The following BICD1 variants were observed in gnomAD, a reference collection of about 807,000 sequenced individuals.
BICD1 encodes the protein protein bicaudal D homolog 1.
In BICD1, 35 loss-of-function variants were observed where a neutral mutation model predicts 92.5. The ratio of observed to expected loss-of-function variants is 0.38; its 90% confidence interval spans 0.29 to 0.50. The LOEUF (loss-of-function observed/expected upper bound fraction) is 0.50. Among genes scored for constraint, BICD1 ranks in the 20% least tolerant of loss-of-function variants. The pLI, the probability that BICD1 is intolerant of heterozygous loss-of-function variation, is 0.93. For missense variants in BICD1, 950 were observed against 1,189.8 expected (o/e 0.80, Z 2.97); for synonymous variants, 429 against 465.1 (o/e 0.92, Z 1.00).
At chr12:32,329,920 G>C (rs111240944) in intron 5 of BICD1, among the ~76,000 whole-genome samples, 55 of 152,210 alleles carry the variant, frequency 3.6e-4, no homozygotes, top group African/African-American at 1.2e-3. Context: ...TTTGAGAAAG[G>C]TGCTGAATAA....
intron 2 of BICD1, among the ~76,000 whole-genome samples, chr12:32,235,837 AC>A (rs1376462347): frequency 6.6e-6 from 1 of 150,960 alleles, no homozygotes; most frequent in Non-Finnish European, 1.5e-5. Context: ...AGTAGCTGGG[AC>A]TATAGGTGCA....
At chr12:32,167,755 C>T (rs1013074655) in intron 1 of BICD1, among the ~76,000 whole-genome samples, 7 of 152,180 alleles carry the variant, frequency 4.6e-5, no homozygotes, top group Admixed American at 2.6e-4. Flanking sequence ...CGCGCCTGGC[C>T]TATCATTCTT....
At chr12:32,232,781 G>C (rs935212417) in intron 2 of BICD1, among the ~76,000 whole-genome samples, 10 of 152,056 alleles carry the variant, frequency 6.6e-5, no homozygotes, top group African/African-American at 2.4e-4. Flanking sequence ...TGTAAGGAAG[G>C]GATCCAGTTT....
intron 8 of BICD1, among the ~76,000 whole-genome samples, chr12:32,361,781 G>A (rs1939337757): frequency 6.6e-6 from 1 of 152,130 alleles, no homozygotes; most frequent in Admixed American, 6.6e-5. Context: ...GTCAAGCGAT[G>A]CTACAGGAGA....
chr12:32,196,828 TTTGA>T (rs1388760057), intron 1 of BICD1, among the ~76,000 whole-genome samples: 12 of 152,202 alleles, frequency 7.9e-5, no homozygotes, highest in Non-Finnish European at 2.9e-5. Flanking sequence ...TGTTAGTTAA[TTTGA>T]TTGTGGTAGT....
In BICD1 at chr12:32,224,068, CAA is replaced by C. The variant is rs570866985; in HGVS notation, c.426+7611_426+7612del. 3.0e-4 allele frequency among the ~76,000 whole-genome samples: 46 copies of C among 152,242 alleles called. No individual in the cohort carries two copies. In the East Asian group the frequency reaches 8.3e-3, roughly 27 times the overall value. On this transcript the variant is annotated intron_variant, in intron 2 of 9. Coordinates refer to ENST00000652176, the MANE Select transcript of BICD1 (RefSeq NM_001714.4). ...CACATTTAATGTATCCAGTAAAAAC[CAA>C]AGTGTTTCTTACAGTCTCTGATGTT...
chr12:32,171,544 G>T (rs1254573290), intron 1 of BICD1, among the ~76,000 whole-genome samples: 1 of 152,134 alleles, frequency 6.6e-6, no homozygotes, highest in Non-Finnish European at 1.5e-5. Flanking sequence ...CACCTTGTCT[G>T]GAGTACACAG....
intron 2 of BICD1, among the ~76,000 whole-genome samples, chr12:32,235,592 C>T (rs973563670): frequency 8.5e-5 from 13 of 152,054 alleles, no homozygotes; most frequent in Non-Finnish European, 1.6e-4. Context: ...TTTGTGGCAC[C>T]CCTACATTGA....
intron 4 of BICD1, among the ~76,000 whole-genome samples, chr12:32,319,765 A>G (rs890962433): frequency 1.3e-5 from 2 of 152,002 alleles, no homozygotes; most frequent in Non-Finnish European, 2.9e-5. Context: ...TTTAGTAGAG[A>G]TGGGGTTTCA....
At chr12:32,375,427 G>C (rs1413079392) in intron 9 of BICD1, among the ~76,000 whole-genome samples, 1 of 152,096 alleles carries the variant, frequency 6.6e-6, no homozygotes, top group Non-Finnish European at 1.5e-5. Flanking sequence ...CTACTCGGGA[G>C]GCTGAAGCAG....
At chr12:32,354,968 C>G (rs1013666946) in intron 8 of BICD1, among the ~76,000 whole-genome samples, 1 of 152,076 alleles carries the variant, frequency 6.6e-6, no homozygotes, top group African/African-American at 2.4e-5. Context: ...CAAGTTGTTA[C>G]TACAAGGAGA....
At chr12:32,317,336 G>A (rs1346034429) in intron 4 of BICD1, among the ~76,000 whole-genome samples, 1 of 152,176 alleles carries the variant, frequency 6.6e-6, no homozygotes, top group Non-Finnish European at 1.5e-5. Context: ...GTGTAAAAGT[G>A]TTCCTATTTC....
At chr12:32,371,467 AG>A (rs1241021387) in intron 9 of BICD1, among the ~76,000 whole-genome samples, 1 of 152,240 alleles carries the variant, frequency 6.6e-6, no homozygotes, top group Non-Finnish European at 1.5e-5. Flanking sequence ...AAACCAGACA[AG>A]GGTTCATTTC....
chr12:32,175,065 T>A (rs1178732523), intron 1 of BICD1, among the ~76,000 whole-genome samples: 2 of 152,236 alleles, frequency 1.3e-5, no homozygotes, highest in East Asian at 3.8e-4. Flanking sequence ...ATTTTTTTCC[T>A]CTTTATTTTC....
Position 32,276,273 on chromosome 12 carries a change from A to G in BICD1, c.427-17721A>G, listed in dbSNP as rs139418262. On this transcript the variant is annotated intron_variant, in intron 2 of 9. Transcript: ENST00000652176. ...ACTACACAACACCTACTATGCCCCA[A>G]TTCAGCAGGAAGCTGTTAGAGCAGT... 6.9e-3 allele frequency among the ~76,000 whole-genome samples: 1,056 copies of G among 152,214 alleles called. 9 individuals are homozygous for G. Among genetic ancestry groups the G allele is most frequent in the South Asian group, 0.028 (136 of 4,820 alleles).
chr12:32,370,299 G>A (rs901380438), intron 9 of BICD1, among the ~76,000 whole-genome samples: 4 of 151,914 alleles, frequency 2.6e-5, no homozygotes, highest in African/African-American at 9.7e-5. Flanking sequence ...CCTGGGAGGC[G>A]GAGGTTGCAG....
At chr12:32,184,050 A>G (rs1177198531) in intron 1 of BICD1, among the ~76,000 whole-genome samples, 1 of 152,154 alleles carries the variant, frequency 6.6e-6, no homozygotes, top group East Asian at 1.9e-4. Context: ...CCTCTCAAAC[A>G]TGGCGCCATC....
intron 2 of BICD1, among the ~76,000 whole-genome samples, chr12:32,229,873 GA>G (rs1945821255): frequency 6.6e-6 from 1 of 152,124 alleles, no homozygotes; most frequent in South Asian, 2.1e-4. Context: ...AATGATGTAA[GA>G]AGGAAAGAGA....
At chr12:32,350,641 A>G (rs886156959) in intron 8 of BICD1, among the ~76,000 whole-genome samples, 1 of 152,188 alleles carries the variant, frequency 6.6e-6, no homozygotes, top group African/African-American at 2.4e-5. Context: ...TGCCACCCTC[A>G]GGGATTCCTC....
Sources: allele counts gnomAD v4.1 joint callset (sites outside exome capture counted in the v4.1 genomes callset), GRCh38; gene constraint gnomAD v4.1.1; transcripts MANE v1.5; gene names NCBI Gene and HGNC (gene_info 2026-07-23, HGNC 2026-07-21).